Variants in VTA1 observed in about 807,000 individuals in gnomAD.
The protein encoded by VTA1 is vacuolar protein sorting-associated protein VTA1 homolog.
A neutral mutation model predicts 36.9 loss-of-function variants in VTA1; 24 were observed. The observed-to-expected ratio is 0.65, with a 90% CI of 0.47 to 0.91. The LOEUF is 0.91. Ranked by LOEUF, VTA1 falls within the 40% of genes least tolerant of loss-of-function variation. The probability of loss-of-function intolerance (pLI) is 0.00; values close to 1 mark genes in which losing one functional copy is unlikely to be tolerated. For missense variants in VTA1, 393 were observed against 377.2 expected (o/e 1.04, Z -0.35); for synonymous variants, 142 against 130.2 (o/e 1.09, Z -0.62).
intron 4 of VTA1, among the ~76,000 whole-genome samples, chr6:142,182,026 C>T (rs1324755160): frequency 6.6e-6 from 1 of 152,112 alleles, no homozygotes; most frequent in Non-Finnish European, 1.5e-5. Context: ...ATGTGGAAGT[C>T]TTGTTTATAT....
intron 5 of VTA1, among the ~76,000 whole-genome samples, chr6:142,192,566 T>C (rs1166713685): frequency 6.6e-6 from 1 of 152,142 alleles, no homozygotes; most frequent in East Asian, 1.9e-4. Flanking sequence ...AATTCCAGTA[T>C]GCCTTTGATC....
At position 142,169,633 on chromosome 6, in the gene VTA1, G is replaced by C; in HGVS notation, c.291G>C (p.Met97Ile). The change falls in exon 3 of 8, where the codon ATG becomes ATC. Residue 97 changes from methionine (M) to isoleucine (I), a missense_variant. Coordinates refer to ENST00000367630, the MANE Select transcript of VTA1 (RefSeq NM_016485.5). ...CAHLENYALK[M>I]FLYADNEDRA... ...ATTTGGAGAATTATGCTTTGAAAAT[G>C]TTTTTGTATGCAGACAATGAAGATC... The C allele has an allele frequency of 6.2e-7, 1 of 1,609,590 alleles. No individual in the cohort carries two copies. Among genetic ancestry groups the C allele is most frequent in the Non-Finnish European group, 8.5e-7 (1 of 1,178,932 alleles).
chr6:142,208,628 A>G (rs1775842354), intron 7 of VTA1, among the ~76,000 whole-genome samples: 1 of 152,210 alleles, frequency 6.6e-6, no homozygotes, highest in Non-Finnish European at 1.5e-5. Context: ...ACCTGAAGGC[A>G]TGTAGTAATC....
chr6:142,147,519 C>T (rs1778472265), intron 1 of VTA1, 120 bp downstream of exon 1: 9 of 1,038,960 alleles, frequency 8.7e-6, no homozygotes, highest in Non-Finnish European at 5.7e-6. Flanking sequence ...GCTTTGACCT[C>T]GAGCCTACCC....
chr6:142,167,116 G>C (rs59793941), intron 2 of VTA1, among the ~76,000 whole-genome samples: 1,728 of 152,134 alleles, frequency 0.011, 36 homozygotes, highest in African/African-American at 0.039. Context: ...TATGGTTTAG[G>C]CATCCTTCCC....
chr6:142,179,024 A>C (rs1487725251), intron 4 of VTA1, among the ~76,000 whole-genome samples: 1 of 152,138 alleles, frequency 6.6e-6, no homozygotes, highest in East Asian at 1.9e-4. Context: ...GGGTCAGTTC[A>C]TCAAGAAGAC....
chr6:142,177,695 C>T (rs552596902), intron 4 of VTA1, among the ~76,000 whole-genome samples: 28 of 152,156 alleles, frequency 1.8e-4, no homozygotes, highest in South Asian at 1.5e-3. Context: ...AAAATCAGTT[C>T]GTGTAGTCCA....
intron 4 of VTA1, among the ~76,000 whole-genome samples, chr6:142,188,569 T>C (rs953292886): frequency 5.9e-5 from 9 of 152,128 alleles, no homozygotes; most frequent in Admixed American, 3.3e-4. Context: ...AATCACCTGG[T>C]GGTCTTGTAG....
chr6:142,148,515 T>G (rs972773436), intron 1 of VTA1, among the ~76,000 whole-genome samples: 1 of 152,166 alleles, frequency 6.6e-6, no homozygotes, highest in Non-Finnish European at 1.5e-5. Flanking sequence ...TCAAGCAGGG[T>G]CCATATTCAT....
chr6:142,155,726 T>C (rs1018156075), intron 1 of VTA1, among the ~76,000 whole-genome samples: 1 of 152,174 alleles, frequency 6.6e-6, no homozygotes, highest in Non-Finnish European at 1.5e-5. Flanking sequence ...TTGACACCTC[T>C]TCTCTTCCCC....
At position 142,212,289 on chromosome 6, in the gene VTA1, A is replaced by G. The variant is rs1487516527; in HGVS notation, c.779-6209A>G. Among the ~76,000 whole-genome samples, 3 of 152,232 alleles carry G rather than the reference A, an allele frequency of 2.0e-5. No individual in the cohort carries two copies. In the East Asian group the frequency reaches 5.8e-4, roughly 29 times the overall value. Reference sequence around the variant, plus strand: ...AGATTATCTTGCTGTCGGTGAATGGATAAATAAACTGCAGTACATCTAGAC... The same window carrying G: ...AGATTATCTTGCTGTCGGTGAATGGGTAAATAAACTGCAGTACATCTAGAC... On this transcript the variant is annotated intron_variant, in intron 7 of 7. Transcript: ENST00000367630.
chr6:142,152,762 A>G (rs1778591433), intron 1 of VTA1, among the ~76,000 whole-genome samples: 1 of 152,146 alleles, frequency 6.6e-6, no homozygotes, highest in South Asian at 2.1e-4. Context: ...ACATAAAAAC[A>G]TGTTAAGGGA....
rs536087217 is a variant in VTA1, at chr6:142,147,332, G to A, written c.45G>A (p.Lys15=). ...TGCCCCCGCTCCCCGCACAGTTCAA[G>A]AGCATACAGCATCATCTGAGGACGG... ...APLPPLPAQF[K]SIQHHLRTAQ... Residue 15 remains lysine (K), a synonymous_variant, in exon 1 of 8, where the codon AAG becomes AAA. Coordinates refer to ENST00000367630, the MANE Select transcript of VTA1 (RefSeq NM_016485.5). The A allele has an allele frequency of 2.5e-6, 4 of 1,614,220 alleles. No homozygotes were observed. Among genetic ancestry groups the A allele is most frequent in the South Asian group, 2.2e-5 (2 of 91,084 alleles).
intron 4 of VTA1, among the ~76,000 whole-genome samples, chr6:142,173,813 A>T (rs960481142): frequency 9.2e-5 from 14 of 152,140 alleles, no homozygotes; most frequent in Non-Finnish European, 2.1e-4. Flanking sequence ...AATTTTTTGA[A>T]CATAGTAACT....
At position 142,215,978 on chromosome 6, in the gene VTA1, T is replaced by C. The variant is rs569375037; in HGVS notation, c.779-2520T>C. Among the ~76,000 whole-genome samples, 160 of 152,316 alleles carry C rather than the reference T, an allele frequency of 1.1e-3. 2 individuals are homozygous for C. Among genetic ancestry groups the C allele is most frequent in the South Asian group, 3.3e-3 (16 of 4,828 alleles). ...GAGATGAAGCCCTCTTATATATAGA[T>C]GGTCTTGTCTGCAGCTCGTCTGTAA... On this transcript the variant is annotated intron_variant, in intron 7 of 7. Coordinates refer to ENST00000367630, the MANE Select transcript of VTA1 (RefSeq NM_016485.5).
chr6:142,200,187 ATACT>A (rs1176680647), intron 6 of VTA1, among the ~76,000 whole-genome samples: 4 of 152,124 alleles, frequency 2.6e-5, no homozygotes, highest in Non-Finnish European at 4.4e-5. Flanking sequence ...GAAATTAATC[ATACT>A]TACTTCTCAT....
chr6:142,153,095 T>C (rs1046258433), intron 1 of VTA1, among the ~76,000 whole-genome samples: 13 of 152,134 alleles, frequency 8.5e-5, no homozygotes, highest in Non-Finnish European at 1.9e-4. Flanking sequence ...TTGATTCTCC[T>C]GGAGGACAGG....
chr6:142,189,123 C>T (rs1775402617), intron 4 of VTA1, among the ~76,000 whole-genome samples: 1 of 152,090 alleles, frequency 6.6e-6, no homozygotes, highest in Non-Finnish European at 1.5e-5. Flanking sequence ...CTCCCCTGTG[C>T]AGAAGAGTTG....
At chr6:142,214,860 T>G (rs1289749051) in intron 7 of VTA1, among the ~76,000 whole-genome samples, 1 of 152,188 alleles carries the variant, frequency 6.6e-6, no homozygotes, top group Non-Finnish European at 1.5e-5. Flanking sequence ...ATATAAAGTC[T>G]TTTTTAAAAA....
Sources: gnomAD v4.1 joint callset for allele counts (sites outside exome capture counted in the v4.1 genomes callset) on GRCh38, gnomAD v4.1.1 for gene constraint, MANE v1.5 for transcripts, NCBI Gene and HGNC (gene_info 2026-07-23, HGNC 2026-07-21) for gene names.